The following ACP7 variants were observed in gnomAD, a reference collection of about 807,000 sequenced individuals.
ACP7 encodes acid phosphatase 7, tartrate resistant (putative), also known as acid phosphatase type 7.
In ACP7, 58 loss-of-function variants were observed where a neutral mutation model predicts 60.6. The observed-to-expected ratio is 0.96, with a 90% confidence interval of 0.77 to 1.19. The LOEUF (loss-of-function observed/expected upper bound fraction) is 1.19. ACP7 is among the 50% of genes most tolerant of loss of function. The pLI is 0.00. For missense variants in ACP7, 574 were observed against 596.2 expected, an observed-to-expected ratio of 0.96 and a Z score of 0.39; for synonymous variants, 237 against 232.6, an observed-to-expected ratio of 1.02 and a Z score of -0.17.
chr19:39,095,672 G>A lies in ACP7; in HGVS notation c.122-2786G>A, dbSNP rs182975350. Among the ~76,000 whole-genome samples, 506 of 152,328 alleles carry A rather than the reference G, an allele frequency of 3.3e-3. 4 individuals carry two copies. Among genetic ancestry groups the A allele is most frequent in the African/African-American group, 0.012 (491 of 41,574 alleles). On this transcript the variant is annotated intron_variant, in intron 2 of 12. Coordinates refer to ENST00000331256, the MANE Select transcript of ACP7 (RefSeq NM_001004318.3). ...GCTCCACTAGGTGGTAACCCAGTAG[G>A]GACTCTGTGTGGGGGCTCCAGCCCC...
At chr19:39,099,708 T>C (rs2073316757) in intron 4 of ACP7, among the ~76,000 whole-genome samples, 1 of 152,014 alleles carries the variant, frequency 6.6e-6, no homozygotes, top group South Asian at 2.1e-4. Context: ...AATACTCATC[T>C]TGGGCCAGGC....
intron 2 of ACP7, among the ~76,000 whole-genome samples, chr19:39,088,607 A>G (rs1450676292): frequency 6.6e-6 from 1 of 152,190 alleles, no homozygotes; most frequent in African/African-American, 2.4e-5. Flanking sequence ...AGCTGTAGGT[A>G]CCATTGCTAC....
intron 11 of ACP7, among the ~76,000 whole-genome samples, chr19:39,102,121 C>CACACAA (rs1491342652): frequency 9.9e-6 from 1 of 101,146 alleles, no homozygotes; most frequent in African/African-American, 5.1e-5. Context: ...CCCTTTCTCT[C>CACACAA]ACACACACAC....
chr19:39,088,351 A>G (rs905741840), intron 2 of ACP7, among the ~76,000 whole-genome samples: 4 of 152,172 alleles, frequency 2.6e-5, no homozygotes, highest in Non-Finnish European at 5.9e-5. Context: ...GGTTAGTTGC[A>G]ATGTGGAATC....
chr19:39,107,578 CAAAA>C (rs34130688), intron 12 of ACP7, among the ~76,000 whole-genome samples: 1 of 81,200 alleles, frequency 1.2e-5, no homozygotes, highest in Non-Finnish European at 2.4e-5. Flanking sequence ...GACTCTGTCT[CAAAA>C]AAAAAAAAAA....
In ACP7 at chr19:39,098,899, G is replaced by C. The variant is rs1226014508; in HGVS notation, c.323-61G>C. ...CCCCTCCACCAGTCGGGGAAGGATG[G>C]GGTTGGAGGGAGGGTCCCGGGGCGC... is the stretch of plus-strand genomic sequence containing the variant. On this transcript the variant is annotated intron_variant, in intron 3 of 12. Transcript: ENST00000331256. 2.3e-5 allele frequency: 23 copies of C among 1,018,362 alleles called. No homozygotes were observed. The East Asian group carries it at 4.3e-4, about 19-fold the overall frequency. 63.1% of individuals were successfully genotyped at this position (1,018,362 alleles called of 1,614,324 possible).
At position 39,085,151 on chromosome 19, in the gene ACP7, G is replaced by A. The variant is rs2073126167; in HGVS notation, c.-119G>A. 3 of 1,336,092 alleles carry A rather than the reference G, an allele frequency of 2.2e-6. No individual in the cohort carries two copies. The highest frequency in any genetic ancestry group is 3.0e-6 in the Non-Finnish European group (3 of 985,084). The allele number at this position is 1,336,092 out of a possible 1,614,324, so 82.8% of individuals were successfully genotyped here. A position where few individuals can be genotyped will look rare whatever the true frequency, so the allele number is the denominator to read the frequency against. ...CCTGCCCTGCCTCTGTTGTCCCCCA[G>A]AGCACTGCCTGATCATCCTCTGTTC... On this transcript the variant is annotated 5_prime_UTR_variant, in exon 2 of 13. Coordinates refer to ENST00000331256, the MANE Select transcript of ACP7 (RefSeq NM_001004318.3).
At position 39,092,368 on chromosome 19, in the gene ACP7, C is replaced by CTG. The variant is rs890071061; in HGVS notation, c.122-6088_122-6087dup. On this transcript the variant is annotated intron_variant, in intron 2 of 12. Transcript: ENST00000331256. Reference sequence around the variant, plus strand: ...CAGCCTTGGCAACAAGTGCGAAACTCTGTATATATATATATATATATATAT... The same window carrying CTG: ...CAGCCTTGGCAACAAGTGCGAAACTCTGTGTATATATATATATATATATATAT... 6.9e-5 allele frequency among the ~76,000 whole-genome samples: 5 copies of CTG among 72,724 alleles called. No homozygotes were observed. In the East Asian group the frequency reaches 1.3e-3, roughly 18 times the overall value. 47.7% of individuals were successfully genotyped at this position (72,724 alleles called of 152,430 possible).
chr19:39,100,575 T>C lies in ACP7; in HGVS notation c.630-5T>C. On this transcript the variant is annotated splice_polypyrimidine_tract_variant and splice_region_variant and intron_variant, in intron 5 of 12. Coordinates refer to ENST00000331256, the MANE Select transcript of ACP7 (RefSeq NM_001004318.3). ...CCTCCATCCCTTGTACTTCCTTTATTCCAGCAACTTCTCTAACTACAAGGC... is the reference window on the plus strand; with the variant it reads ...CCTCCATCCCTTGTACTTCCTTTATCCCAGCAACTTCTCTAACTACAAGGC... 1 of 1,613,846 alleles carries C rather than the reference T, an allele frequency of 6.2e-7. No individual in the cohort carries two copies. The highest frequency in any genetic ancestry group is 8.5e-7 in the Non-Finnish European group (1 of 1,179,834).
In ACP7 at chr19:39,092,370, GTATATATATATA is replaced by G. The variant is rs59033785; in HGVS notation, c.122-6075_122-6064del. Among the ~76,000 whole-genome samples the G allele has an allele frequency of 2.0e-5, 3 of 149,240 alleles. No individual in the cohort carries two copies. In the South Asian group the frequency reaches 6.4e-4, roughly 32 times the overall value. ...GCCTTGGCAACAAGTGCGAAACTCT[GTATATATATATA>G]TATATATATATAGCAGTTGCAGAAT... is the stretch of plus-strand genomic sequence containing the variant. On this transcript the variant is annotated intron_variant, in intron 2 of 12. Transcript: ENST00000331256.
Position 39,110,057 on chromosome 19 carries a change from G to A in ACP7, c.1256G>A (p.Gly419Glu). 6.2e-7 allele frequency: 1 copy of A among 1,613,682 alleles called. No individual in the cohort carries two copies. Among genetic ancestry groups the A allele is most frequent in the Non-Finnish European group, 8.5e-7 (1 of 1,179,572 alleles). Reference sequence around the variant, plus strand: ...CCCTGTTTTTGTCCCTCACAGGATGGGAAGATCGTAGATGATGTCTGGGTG... The same window carrying A: ...CCCTGTTTTTGTCCCTCACAGGATGAGAAGATCGTAGATGATGTCTGGGTG... ...HIQQVSDDQD[G>E]KIVDDVWVVR... Residue 419 changes from glycine to glutamate, a missense_variant, in exon 13 of 13, where the codon GGG (glycine) becomes GAG (glutamate). Transcript: ENST00000331256.
chr19:39,084,603 G>A (rs1031905337), intron 1 of ACP7, among the ~76,000 whole-genome samples: 2 of 151,960 alleles, frequency 1.3e-5, no homozygotes, highest in African/African-American at 4.8e-5. Flanking sequence ...AGGATCTGGG[G>A]GTGGTGTGGG....
At chr19:39,106,440 C>CT (rs149866503) in intron 11 of ACP7, among the ~76,000 whole-genome samples, 1 of 152,310 alleles carries the variant, frequency 6.6e-6, no homozygotes, top group Non-Finnish European at 1.5e-5. Context: ...CAGCCGTGTA[C>CT]TTTTCTAGAA....
At chr19:39,100,498 G>A (rs1346199396) in intron 5 of ACP7, 82 bp from the exon 6 acceptor site, 3 of 1,602,104 alleles carry the variant, frequency 1.9e-6, no homozygotes, top group East Asian at 4.5e-5. Context: ...GCTGGACTCA[G>A]GGCCTGACAG....
intron 4 of ACP7, 59 bp from the exon 5 acceptor site, chr19:39,100,168 A>G (rs1005676249): frequency 2.1e-5 from 33 of 1,598,294 alleles, no homozygotes; most frequent in Non-Finnish European, 2.7e-5. Flanking sequence ...GGCTCTCTCA[A>G]TTCCAGTGAA....
intron 12 of ACP7, among the ~76,000 whole-genome samples, chr19:39,109,424 G>A (rs1568485604): frequency 6.6e-6 from 1 of 152,104 alleles, no homozygotes; most frequent in Non-Finnish European, 1.5e-5. Context: ...GCCACCTAGA[G>A]GGTGGATGCG....
chr19:39,084,126 G>A (rs145041789), upstream of ACP7, among the ~76,000 whole-genome samples: 315 of 152,248 alleles, frequency 2.1e-3, 5 homozygotes, highest in East Asian at 0.015. Context: ...CAGAGGTGGC[G>A]CGCCGGAGAC....
At chr19:39,109,556 T>G (rs956149772) in intron 12 of ACP7, among the ~76,000 whole-genome samples, 1 of 151,544 alleles carries the variant, frequency 6.6e-6, no homozygotes, top group Non-Finnish European at 1.5e-5. Flanking sequence ...AATACAAAAA[T>G]TAGCCAGGCA....
intron 11 of ACP7, among the ~76,000 whole-genome samples, chr19:39,102,044 C>T (rs1461181747): frequency 1.3e-5 from 2 of 150,458 alleles, no homozygotes; most frequent in Admixed American, 6.7e-5. Context: ...TGCTTGAGTG[C>T]AGGAGGTCAA....
Sources: gnomAD v4.1 joint callset for allele counts (sites outside exome capture counted in the v4.1 genomes callset) on GRCh38, gnomAD v4.1.1 for gene constraint, MANE v1.5 for transcripts, NCBI Gene and HGNC (gene_info 2026-07-23, HGNC 2026-07-21) for gene names.